Variants in SMYD3 observed in about 807,000 individuals in gnomAD.
SMYD3 encodes histone-lysine N-methyltransferase SMYD3.
A neutral mutation model predicts 57.7 loss-of-function variants in SMYD3; 36 were observed. That is an observed-to-expected ratio of 0.62 (90% confidence interval 0.48 to 0.82). SMYD3 has a LOEUF of 0.82. Among genes scored for constraint, SMYD3 ranks in the 40% least tolerant of loss-of-function variants. SMYD3 has a pLI of 0.00. For missense variants in SMYD3, 515 were observed against 538.8 expected (o/e 0.96, Z 0.44); for synonymous variants, 211 against 195.0 (o/e 1.08, Z -0.68).
At chr1:245,793,357 T>C (rs1050101928) in intron 10 of SMYD3, among the ~76,000 whole-genome samples, 2 of 151,970 alleles carry the variant, frequency 1.3e-5, no homozygotes, top group African/African-American at 4.8e-5. Context: ...ACTTGCATAC[T>C]TGCATGTTTT....
intron 5 of SMYD3, among the ~76,000 whole-genome samples, chr1:246,113,532 A>G (rs1419640300): frequency 1.3e-5 from 2 of 152,240 alleles, no homozygotes; most frequent in African/African-American, 4.8e-5. Context: ...CAAGTAACGC[A>G]AAGTATAAAA....
At chr1:245,956,813 T>A (rs918307052) in intron 5 of SMYD3, among the ~76,000 whole-genome samples, 1 of 152,236 alleles carries the variant, frequency 6.6e-6, no homozygotes, top group Admixed American at 6.5e-5. Context: ...TCCATTCTGT[T>A]GGAGCAATGA....
intron 1 of SMYD3, among the ~76,000 whole-genome samples, chr1:246,478,555 T>C (rs4654264): frequency 0.098 from 4,820 of 49,294 alleles, 503 homozygotes; most frequent in Middle Eastern, 0.27. Flanking sequence ...ACCTGTCCTC[T>C]GTCCTGGAGC....
intron 5 of SMYD3, among the ~76,000 whole-genome samples, chr1:246,213,861 C>A (rs1022719751): frequency 2.0e-5 from 3 of 152,170 alleles, no homozygotes; most frequent in Non-Finnish European, 4.4e-5. Context: ...ACAGTTCTTT[C>A]TCTTCCTTCA....
At chr1:246,002,319 G>A (rs555404405) in intron 5 of SMYD3, among the ~76,000 whole-genome samples, 2 of 76,156 alleles carry the variant, frequency 2.6e-5, no homozygotes, top group East Asian at 3.0e-4. Context: ...CGAGTAGCTG[G>A]GACTGCAGGC....
At chr1:246,324,840 A>T (rs1287689723) in intron 5 of SMYD3, among the ~76,000 whole-genome samples, 1 of 151,142 alleles carries the variant, frequency 6.6e-6, no homozygotes, top group East Asian at 2.0e-4. Context: ...CTGCCCAGGG[A>T]TCTTCACCCA....
intron 5 of SMYD3, among the ~76,000 whole-genome samples, chr1:246,133,176 T>A (rs567463777): frequency 1.6e-4 from 24 of 152,124 alleles, no homozygotes; most frequent in African/African-American, 5.5e-4. Flanking sequence ...TAGTATAGTA[T>A]CTAGAATATA....
At chr1:246,335,551 G>A in intron 2 of SMYD3, 77 bp from the exon 3 acceptor site, 2 of 1,107,058 alleles carry the variant, frequency 1.8e-6, no homozygotes, top group Non-Finnish European at 2.7e-6. Flanking sequence ...AACATCAAGA[G>A]TCATAAACAT....
At chr1:246,414,762 G>A in intron 1 of SMYD3, among the ~76,000 whole-genome samples, 1 of 125,894 alleles carries the variant, frequency 7.9e-6, no homozygotes, top group South Asian at 2.6e-4. Context: ...CTGTCGCCCA[G>A]ACCAGAGTGC....
chr1:246,479,333 C>A (rs1273595766), intron 1 of SMYD3, among the ~76,000 whole-genome samples: 1 of 152,162 alleles, frequency 6.6e-6, no homozygotes, highest in Non-Finnish European at 1.5e-5. Flanking sequence ...CCTCTTTAAG[C>A]CTCAGTCACT....
At chr1:245,979,704 G>C (rs2058549252) in intron 5 of SMYD3, among the ~76,000 whole-genome samples, 1 of 152,120 alleles carries the variant, frequency 6.6e-6, no homozygotes, top group Admixed American at 6.5e-5. Context: ...AAGCTACCCT[G>C]TTTGTGGTAT....
At chr1:246,060,188 T>C (rs1417909974) in intron 5 of SMYD3, among the ~76,000 whole-genome samples, 1 of 151,940 alleles carries the variant, frequency 6.6e-6, no homozygotes, top group African/African-American at 2.4e-5. Context: ...CTTAGGAGGC[T>C]GAGATGGGAG....
chr1:246,230,171 TC>T (rs921941156), intron 5 of SMYD3, among the ~76,000 whole-genome samples: 1 of 152,224 alleles, frequency 6.6e-6, no homozygotes, highest in African/African-American at 2.4e-5. Flanking sequence ...GACCTGGTTT[TC>T]TTCTGAACTA....
intron 5 of SMYD3, among the ~76,000 whole-genome samples, chr1:246,013,457 G>A (rs2059322314): frequency 6.6e-6 from 1 of 152,210 alleles, no homozygotes; most frequent in Non-Finnish European, 1.5e-5. Flanking sequence ...TGGGGCTACA[G>A]GCATGAGCCA....
intron 8 of SMYD3, among the ~76,000 whole-genome samples, chr1:245,897,748 T>C (rs2053918386): frequency 6.6e-6 from 1 of 151,940 alleles, no homozygotes; most frequent in Non-Finnish European, 1.5e-5. Flanking sequence ...GTATAAAAAA[T>C]TAGCCAGGTG....
At position 245,969,588 on chromosome 1, in the gene SMYD3, G is replaced by A. The variant is rs2058243824; in HGVS notation, c.532-39651C>T. The stretch of plus-strand genomic sequence containing the variant: ...AGCACACAATCCTTCAAAGGGCAAA[G>A]TGGTTTGAGGAAATCCAAACTAACC... On this transcript the variant is annotated intron_variant, in intron 5 of 11. Coordinates refer to ENST00000490107, the MANE Select transcript of SMYD3 (RefSeq NM_001167740.2). Among the ~76,000 whole-genome samples the A allele has an allele frequency of 3.9e-5, 6 of 152,218 alleles. No individual in the cohort carries two copies. The South Asian group carries it at 1.2e-3, about 32-fold the overall frequency.
chr1:245,850,242 C>T (rs952754970), intron 10 of SMYD3, among the ~76,000 whole-genome samples: 4 of 152,146 alleles, frequency 2.6e-5, no homozygotes. Flanking sequence ...CTCAGAAATG[C>T]CACTGCACAA....
chr1:245,906,345 T>C (rs2054562148), intron 8 of SMYD3, among the ~76,000 whole-genome samples: 1 of 152,182 alleles, frequency 6.6e-6, no homozygotes. Flanking sequence ...AAGATTTGAA[T>C]AGACATTGCT....
At chr1:245,826,642 C>T (rs1470299698) in intron 10 of SMYD3, among the ~76,000 whole-genome samples, 1 of 152,210 alleles carries the variant, frequency 6.6e-6, no homozygotes, top group Non-Finnish European at 1.5e-5. Context: ...TTTCACACTG[C>T]TATGAAGAAC....
Sources: gnomAD v4.1 joint callset for allele counts (sites outside exome capture counted in the v4.1 genomes callset) on GRCh38, gnomAD v4.1.1 for gene constraint, MANE v1.5 for transcripts, NCBI Gene and HGNC (gene_info 2026-07-23, HGNC 2026-07-21) for gene names.